Variants in USP32 observed in about 807,000 individuals in gnomAD.
USP32 encodes the protein ubiquitin carboxyl-terminal hydrolase 32.
USP32 carries 59 observed loss-of-function variants against 204.8 expected under a neutral mutation model. The observed-to-expected ratio is 0.29, with a 90% confidence interval of 0.23 to 0.36. The LOEUF (loss-of-function observed/expected upper bound fraction) is 0.36, where lower values mean the gene tolerates loss of function less well. USP32 is among the 10% of genes least tolerant of loss of function. The pLI is 1.00. For synonymous variants in USP32, 517 were observed against 678.4 expected (o/e 0.76, Z 3.70); for missense variants, 1,160 against 1,946.4 (o/e 0.60, Z 7.60).
chr17:60,402,233 A>G (rs1406567235), intron 1 of USP32, among the ~76,000 whole-genome samples: 2 of 141,528 alleles, frequency 1.4e-5, no homozygotes, highest in African/African-American at 5.2e-5. Context: ...TCAATATTCC[A>G]TCCCTCATTT....
intron 1 of USP32, among the ~76,000 whole-genome samples, chr17:60,379,907 C>T (rs1185819025): frequency 6.6e-6 from 1 of 152,172 alleles, no homozygotes; most frequent in Non-Finnish European, 1.5e-5. Context: ...GTGCTTAAAA[C>T]AGTCCAATGT....
chr17:60,263,738 T>G (rs1231558256), intron 9 of USP32, among the ~76,000 whole-genome samples: 1 of 152,262 alleles, frequency 6.6e-6, no homozygotes, highest in African/African-American at 2.4e-5. Context: ...CCTTAGTTTC[T>G]GGCAGAGAGG....
intron 1 of USP32, among the ~76,000 whole-genome samples, chr17:60,381,833 C>T (rs947459613): frequency 1.3e-4 from 20 of 152,228 alleles, no homozygotes; most frequent in African/African-American, 4.3e-4. Flanking sequence ...AATTAAGATA[C>T]AGAACATTTC....
chr17:60,286,278 A>C (rs2087108585), intron 5 of USP32, among the ~76,000 whole-genome samples: 1 of 152,238 alleles, frequency 6.6e-6, no homozygotes, highest in African/African-American at 2.4e-5. Flanking sequence ...CTGGAACCTC[A>C]GAATATGGCC....
intron 3 of USP32, among the ~76,000 whole-genome samples, chr17:60,296,526 G>A (rs2087434020): frequency 6.6e-6 from 1 of 152,162 alleles, no homozygotes; most frequent in African/African-American, 2.4e-5. Context: ...GAGAAAGCAT[G>A]GCCCTGCTGA....
chr17:60,238,340 T>C (rs2085787533), intron 11 of USP32, among the ~76,000 whole-genome samples: 1 of 152,134 alleles, frequency 6.6e-6, no homozygotes, highest in Non-Finnish European at 1.5e-5. Flanking sequence ...ATAGGTTTTT[T>C]TGGTTTTAAA....
intron 2 of USP32, among the ~76,000 whole-genome samples, chr17:60,338,194 A>G (rs1401062726): frequency 4.6e-5 from 7 of 151,960 alleles, no homozygotes; most frequent in Non-Finnish European, 8.8e-5. Context: ...GCATGGTGGT[A>G]CATGCCTATA....
chr17:60,227,604 G>A (rs2085430553), intron 12 of USP32, among the ~76,000 whole-genome samples: 1 of 150,738 alleles, frequency 6.6e-6, no homozygotes, highest in Non-Finnish European at 1.5e-5. Flanking sequence ...TTTGAGACAG[G>A]GTCTCGCTAT....
Position 60,237,988 on chromosome 17 carries a change from A to G in USP32, c.1137-1748T>C, listed in dbSNP as rs143383253. ...TGGAAATTCTTGCTGAGGAACTGCC[A>G]AACTGTTTTCCACAGTGATTGCACC... On this transcript the variant is annotated intron_variant, in intron 11 of 33. Transcript: ENST00000300896. Among the ~76,000 whole-genome samples, 255 of 152,330 alleles carry G rather than the reference A, an allele frequency of 1.7e-3. 2 individuals carry two copies. The highest frequency in any genetic ancestry group is 5.9e-3 in the African/African-American group (247 of 41,594).
At position 60,270,350 on chromosome 17, in the gene USP32, C is replaced by G. The variant is rs909628998; in HGVS notation, c.704-793G>C. 2.6e-5 allele frequency among the ~76,000 whole-genome samples: 4 copies of G among 152,126 alleles called. No homozygotes were observed. The South Asian group carries it at 8.3e-4, about 32-fold the overall frequency. On this transcript the variant is annotated intron_variant, in intron 6 of 33. Coordinates refer to ENST00000300896, the MANE Select transcript of USP32 (RefSeq NM_032582.4). ...TTGAAGAATACAGATAGTATATTCC[C>G]AGAATCTAACGCAGTGCCCTCAGTT...
At position 60,355,065 on chromosome 17, in the gene USP32, T is replaced by C. The variant is rs186980006; in HGVS notation, c.59-9457A>G. Among the ~76,000 whole-genome samples, 209 of 152,184 alleles carry C rather than the reference T, an allele frequency of 1.4e-3. 2 individuals are homozygous for C. The highest frequency in any genetic ancestry group is 4.5e-3 in the African/African-American group (187 of 41,512). On this transcript the variant is annotated intron_variant, in intron 1 of 33. Transcript: ENST00000300896. The stretch of plus-strand genomic sequence containing the variant: ...CCTCAAAAACAAAAACATAAAACTA[T>C]GATACATTCTTATTATAGAATACTT...
intron 11 of USP32, among the ~76,000 whole-genome samples, chr17:60,250,468 GA>G (rs1343773875): frequency 2.0e-5 from 3 of 151,802 alleles, no homozygotes; most frequent in African/African-American, 7.3e-5. Context: ...AATATTCTAA[GA>G]AAAAAAGTCA....
chr17:60,371,568 C>CA (rs541521928), intron 1 of USP32, among the ~76,000 whole-genome samples: 1,344 of 128,684 alleles, frequency 0.01, 17 homozygotes, highest in African/African-American at 0.029. Context: ...GATTCTGTCT[C>CA]AAAAAAAAAA....
chr17:60,251,758 A>G (rs1430457419), intron 11 of USP32, among the ~76,000 whole-genome samples: 1 of 152,170 alleles, frequency 6.6e-6, no homozygotes, highest in Admixed American at 6.5e-5. Context: ...AAGCCAAGAC[A>G]TAGAGATTTT....
chr17:60,376,228 T>C (rs888304652), intron 1 of USP32, among the ~76,000 whole-genome samples: 8 of 151,736 alleles, frequency 5.3e-5, no homozygotes, highest in African/African-American at 1.9e-4. Flanking sequence ...GATTTTTTAT[T>C]TGTATATCTA....
Position 60,301,676 on chromosome 17 carries a change from G to T in USP32, c.215C>A (p.Ser72Tyr), listed in dbSNP as rs1180122766. The change falls in exon 3 of 34, where the codon TCC (serine) becomes TAC (tyrosine). Residue 72 changes from serine to tyrosine, a missense_variant. Physicochemically the swap from Ser to Tyr is moderately radical, Grantham distance 144. This residue lies in a region of USP32 where 536 missense variants were observed against 680.9 expected (regional missense o/e 0.79). Coordinates refer to ENST00000300896, the MANE Select transcript of USP32 (RefSeq NM_032582.4). ...EVIYCSFGGTSKGLHFNNLIV... is the reference protein window; with the variant it reads ...EVIYCSFGGTYKGLHFNNLIV... ...TAAATTATTGAAGTGCAGCCCTTTG[G>T]ATGTTCCACCAAAAGAACAGTAAAT... is the stretch of plus-strand genomic sequence containing the variant. 1 of 1,600,698 alleles carries T rather than the reference G, an allele frequency of 6.2e-7. No individual in the cohort carries two copies. Among genetic ancestry groups the T allele is most frequent in the Middle Eastern group, 1.7e-4 (1 of 6,042 alleles).
intron 5 of USP32, among the ~76,000 whole-genome samples, chr17:60,277,205 T>G (rs2086860809): frequency 6.6e-6 from 1 of 152,132 alleles, no homozygotes; most frequent in Non-Finnish European, 1.5e-5. Flanking sequence ...ATTCCCAACA[T>G]TCTAAGTAGT....
intron 16 of USP32, among the ~76,000 whole-genome samples, chr17:60,219,230 T>C (rs542703538): frequency 1.3e-5 from 2 of 152,244 alleles, no homozygotes; most frequent in African/African-American, 4.8e-5. Context: ...AAGATGATAG[T>C]ATAAGAGGAA....
intron 14 of USP32, 62 bp downstream of exon 14, chr17:60,223,349 A>C: frequency 6.8e-7 from 1 of 1,475,210 alleles, no homozygotes; most frequent in Non-Finnish European, 9.3e-7. Flanking sequence ...AAAACCTCTG[A>C]AATGAAATTT....
Sources: allele counts gnomAD v4.1 joint callset (sites outside exome capture counted in the v4.1 genomes callset), GRCh38; gene constraint gnomAD v4.1.1; regional missense constraint gnomAD v4.1.1; transcripts MANE v1.5; gene names NCBI Gene and HGNC (gene_info 2026-07-23, HGNC 2026-07-21).